Variants in SH3TC2 observed in about 807,000 individuals in gnomAD.
SH3TC2 encodes SH3 domain and tetratricopeptide repeats 2, also known as SH3 domain and tetratricopeptide repeat-containing protein 2.
SH3TC2 carries 87 observed loss-of-function variants against 124.5 expected under a neutral mutation model. That is an observed-to-expected ratio of 0.70 (90% confidence interval 0.59 to 0.84). SH3TC2 has a LOEUF of 0.84. Among genes scored for constraint, SH3TC2 ranks in the 40% least tolerant of loss-of-function variants. The pLI is 0.00. For missense variants in SH3TC2, 1,536 were observed against 1,566.4 expected (o/e 0.98, Z 0.33); for synonymous variants, 634 against 628.5 (o/e 1.01, Z -0.13).
In SH3TC2 at chr5:148,986,126, G is replaced by A. The variant is rs1753328928; in HGVS notation, c.*18585C>T. On this transcript the variant is annotated 3_prime_UTR_variant, in exon 17 of 17. Transcript: ENST00000515425. ...ATCAATTTTCACTCACTAAGGCCCTGCTTAATAGCCTATTTTACTGCCCGT... is the reference window on the plus strand; with the variant it reads ...ATCAATTTTCACTCACTAAGGCCCTACTTAATAGCCTATTTTACTGCCCGT... 6.6e-6 allele frequency among the ~76,000 whole-genome samples: 1 copy of A among 152,122 alleles called. No homozygotes were observed. Among genetic ancestry groups the A allele is most frequent in the Non-Finnish European group, 1.5e-5 (1 of 68,026 alleles).
In SH3TC2 at chr5:149,002,119, A is replaced by G. The variant is rs1484439560; in HGVS notation, c.*2592T>C. ...GTGGGAACTGCTCTTTCAGAGAAAC[A>G]GAAACAAATCTGGCCAGAGGAGAGT... On this transcript the variant is annotated 3_prime_UTR_variant, in exon 17 of 17. Transcript: ENST00000515425. 3.9e-5 allele frequency: 6 copies of G among 152,674 alleles called. No homozygotes were observed. The highest frequency in any genetic ancestry group is 9.6e-5 in the African/African-American group (4 of 41,460). The allele number at this position is 152,674 out of a possible 1,614,324, so 9.5% of individuals were successfully genotyped here.
intron 1 of SH3TC2, among the ~76,000 whole-genome samples, chr5:149,059,663 T>C (rs1323958811): frequency 6.7e-6 from 1 of 149,318 alleles, no homozygotes; most frequent in Non-Finnish European, 1.5e-5. Context: ...AAAAAAAAAG[T>C]TGCATCATGA....
At chr5:149,010,739 A>C (rs544323900) in intron 13 of SH3TC2, among the ~76,000 whole-genome samples, 1 of 152,220 alleles carries the variant, frequency 6.6e-6, no homozygotes, top group Non-Finnish European at 1.5e-5. Flanking sequence ...TATTGTGTAG[A>C]ATAAGGCTAA....
intron 6 of SH3TC2, 141 bp from the exon 7 acceptor site, chr5:149,040,818 CT>C: frequency 1.3e-6 from 1 of 785,306 alleles, no homozygotes; most frequent in Non-Finnish European, 2.2e-6. Context: ...TTATTGAGAA[CT>C]TACTTTCTAC....
In SH3TC2 at chr5:148,991,643, A is replaced by C. The variant is rs1222138530; in HGVS notation, c.*13068T>G. ...GGGTGGTTGAAATGCTTGCTCTGGGAGGGGTGGCCAGTCAGCTGGGGTCAC... is the reference window on the plus strand; with the variant it reads ...GGGTGGTTGAAATGCTTGCTCTGGGCGGGGTGGCCAGTCAGCTGGGGTCAC... On this transcript the variant is annotated 3_prime_UTR_variant, in exon 17 of 17. Coordinates refer to ENST00000515425, the MANE Select transcript of SH3TC2 (RefSeq NM_024577.4). Among the ~76,000 whole-genome samples, 1 of 152,176 alleles carries C rather than the reference A, an allele frequency of 6.6e-6. No homozygotes were observed. The highest frequency in any genetic ancestry group is 1.5e-5 in the Non-Finnish European group (1 of 68,006).
rs1252366529 is a variant in SH3TC2, at chr5:149,004,486, G to A, written c.*225C>T. The A allele has an allele frequency of 1.8e-6, 1 of 570,794 alleles. No homozygotes were observed. The highest frequency in any genetic ancestry group is 3.1e-6 in the Non-Finnish European group (1 of 322,652). 35.4% of individuals were successfully genotyped at this position (570,794 alleles called of 1,614,324 possible). On this transcript the variant is annotated 3_prime_UTR_variant, in exon 17 of 17. Coordinates refer to ENST00000515425, the MANE Select transcript of SH3TC2 (RefSeq NM_024577.4). ...TGGAAGGCAACAGTCAACCGGTAAA[G>A]GCTCCAGATGCAAAGCCTGGAACCA... is the stretch of plus-strand genomic sequence containing the variant.
At chr5:149,036,650 T>C (rs1754287583) in intron 8 of SH3TC2, among the ~76,000 whole-genome samples, 1 of 152,188 alleles carries the variant, frequency 6.6e-6, no homozygotes, top group South Asian at 2.1e-4. Flanking sequence ...GTTCAGCTCC[T>C]TCATCCCTGG....
At position 148,987,230 on chromosome 5, in the gene SH3TC2, G is replaced by T. The variant is rs1753346907; in HGVS notation, c.*17481C>A. On this transcript the variant is annotated 3_prime_UTR_variant, in exon 17 of 17. Transcript: ENST00000515425. ...GGAGAAAAAGCACATTTTTGCCAATGGTCTTTGTTCTGAACAAAGATTGGT... is the reference window on the plus strand; with the variant it reads ...GGAGAAAAAGCACATTTTTGCCAATTGTCTTTGTTCTGAACAAAGATTGGT... 1.3e-5 allele frequency among the ~76,000 whole-genome samples: 2 copies of T among 152,164 alleles called. No individual in the cohort carries two copies. The highest frequency in any genetic ancestry group is 4.1e-4 in the South Asian group (2 of 4,834).
rs199756080 is a variant in SH3TC2 at position 149,028,493 on chromosome 5, G to A, written c.1239C>T (p.Ala413=). 6.1e-5 allele frequency: 99 copies of A among 1,613,310 alleles called. No homozygotes were observed. The highest frequency in any genetic ancestry group is 7.7e-5 in the Non-Finnish European group (91 of 1,179,498). Residue 413 remains alanine (A), a synonymous_variant, in exon 11 of 17, where the codon GCC becomes GCT. Transcript: ENST00000515425. The part of the protein sequence containing the change: ...RPGRAWEEHQ[A]VGSRQSSSSE... ...AGCTGCTGGACTGTCTGGACCCCAC[G>A]GCCTGATGCTCCTCCCAGGCTCTGC...
Position 148,992,817 on chromosome 5 carries a change from G to A in SH3TC2, c.*11894C>T, listed in dbSNP as rs1753443339. On this transcript the variant is annotated 3_prime_UTR_variant, in exon 17 of 17. Transcript: ENST00000515425. ...CTGAGCTAACTCATCCCTGCAACAT[G>A]CACCAAGAGTCTTCCAGGATTAAAC... 2.6e-5 allele frequency among the ~76,000 whole-genome samples: 4 copies of A among 152,042 alleles called. No individual in the cohort carries two copies. The highest frequency in any genetic ancestry group is 2.6e-4 in the Admixed American group (4 of 15,268).
chr5:148,988,998 G>A lies in SH3TC2; in HGVS notation c.*15713C>T, dbSNP rs1300328160. Among the ~76,000 whole-genome samples the A allele has an allele frequency of 6.6e-6, 1 of 151,814 alleles. No homozygotes were observed. The highest frequency in any genetic ancestry group is 1.5e-5 in the Non-Finnish European group (1 of 67,944). ...GTGCCCTACTGAGCCCAGACATGAA[G>A]GAAATAAAAAAACAACCACCAACCA... On this transcript the variant is annotated 3_prime_UTR_variant, in exon 17 of 17. Coordinates refer to ENST00000515425, the MANE Select transcript of SH3TC2 (RefSeq NM_024577.4).
Position 149,028,689 on chromosome 5 carries a change from T to C in SH3TC2, c.1165A>G (p.Asn389Asp). The change falls in exon 10 of 17, where the codon AAT (asparagine) becomes GAT (aspartate). Residue 389 changes from asparagine to aspartate, a missense_variant. Around this residue, in one of 3 missense-constraint regions of SH3TC2, gnomAD observed 1,102 missense variants for 1,098.6 expected, o/e 1.00. Coordinates refer to ENST00000515425, the MANE Select transcript of SH3TC2 (RefSeq NM_024577.4). Reference protein sequence around the residue: ...SGFESIQNPPNDLSASQPEGF... With the variant: ...SGFESIQNPPDDLSASQPEGF... ...GATCGCTACTCACCACTCAGATCAT[T>C]TGGAGGATTCTGGATGGATTCAAAC... is the stretch of plus-strand genomic sequence containing the variant. 6.2e-7 allele frequency: 1 copy of C among 1,614,144 alleles called. No individual in the cohort carries two copies. The highest frequency in any genetic ancestry group is 8.5e-7 in the Non-Finnish European group (1 of 1,180,020).
In SH3TC2 at chr5:148,998,772, GA is replaced by G. The variant is rs1344209324; in HGVS notation, c.*5938del. On this transcript the variant is annotated 3_prime_UTR_variant, in exon 17 of 17. Coordinates refer to ENST00000515425, the MANE Select transcript of SH3TC2 (RefSeq NM_024577.4). The stretch of plus-strand genomic sequence containing the variant: ...AGACACCCCTTAGAGGAGGGTGAAC[GA>G]AGTGCACATTCCCAGAGCCAGCACT... 6.6e-6 allele frequency among the ~76,000 whole-genome samples: 1 copy of G among 152,124 alleles called. No individual in the cohort carries two copies. Among genetic ancestry groups the G allele is most frequent in the African/African-American group, 2.4e-5 (1 of 41,404 alleles).
intron 1 of SH3TC2, chr5:149,062,276 G>A (rs372115987): frequency 1.2e-5 from 6 of 518,396 alleles, no homozygotes; most frequent in Non-Finnish European, 2.4e-5. Flanking sequence ...AGAACACAGG[G>A]CCCTACCTTG....
rs1753497476 is a variant in SH3TC2, at chr5:148,995,612, GTTATA to G, written c.*9094_*9098del. On this transcript the variant is annotated 3_prime_UTR_variant, in exon 17 of 17. Coordinates refer to ENST00000515425, the MANE Select transcript of SH3TC2 (RefSeq NM_024577.4). ...CTCAATCACTCATGAGCAATAAGTA[GTTATA>G]TTATAGTTTTAAAACTTTCTCCCTG... Among the ~76,000 whole-genome samples, 2 of 152,288 alleles carry G rather than the reference GTTATA, an allele frequency of 1.3e-5. No homozygotes were observed. The highest frequency in any genetic ancestry group is 4.8e-5 in the African/African-American group (2 of 41,558).
intron 14 of SH3TC2, among the ~76,000 whole-genome samples, chr5:149,009,247 C>A (rs1302913836): frequency 1.3e-5 from 2 of 152,260 alleles, no homozygotes; most frequent in Non-Finnish European, 2.9e-5. Flanking sequence ...ATTGGGGAAA[C>A]CTGGAGTAGG....
chr5:149,007,631 G>C (rs911691658), intron 15 of SH3TC2: 2 of 195,864 alleles, frequency 1.0e-5, no homozygotes, highest in Non-Finnish European at 2.1e-5. Flanking sequence ...TCTCAGATAA[G>C]CTACAAACAC....
At chr5:149,061,133 T>C (rs1754739522) in intron 1 of SH3TC2, among the ~76,000 whole-genome samples, 1 of 152,194 alleles carries the variant, frequency 6.6e-6, no homozygotes, top group African/African-American at 2.4e-5. Context: ...AAAAGGTGAA[T>C]GCGGGGTGCC....
Position 148,983,054 on chromosome 5 carries a change from G to C in SH3TC2, c.*21657C>G, listed in dbSNP as rs1382159959. On this transcript the variant is annotated 3_prime_UTR_variant, in exon 17 of 17. Transcript: ENST00000515425. ...TCCTGGGCCTCAGTGTCCCATCTAT[G>C]GGATAAAGAGGGAGAACTAGCAGGT... Among the ~76,000 whole-genome samples the C allele has an allele frequency of 1.3e-5, 2 of 152,158 alleles. No individual in the cohort carries two copies. Among genetic ancestry groups the C allele is most frequent in the African/African-American group, 4.8e-5 (2 of 41,424 alleles).
Sources: allele counts gnomAD v4.1 joint callset (sites outside exome capture counted in the v4.1 genomes callset), GRCh38; gene constraint gnomAD v4.1.1; regional missense constraint gnomAD v4.1.1; transcripts MANE v1.5; gene names NCBI Gene and HGNC (gene_info 2026-07-23, HGNC 2026-07-21).